The following ZNF10 variants were observed in gnomAD, a reference collection of about 807,000 sequenced individuals.
ZNF10 encodes zinc finger protein 10.
In ZNF10, 8 loss-of-function variants were observed where a neutral mutation model predicts 12.2. That is an observed-to-expected ratio of 0.66 (90% CI 0.39 to 1.18). The LOEUF (loss-of-function observed/expected upper bound fraction) is 1.18, where lower values mean the gene tolerates loss of function less well. Ranked by LOEUF, ZNF10 falls within the 50% of genes most tolerant of loss-of-function variation. The pLI is 0.01. For missense variants in ZNF10, 603 were observed against 678.9 expected (o/e 0.89, Z 1.24); for synonymous variants, 229 against 228.2 (o/e 1.00, Z -0.03).
At chr12:133,144,884 CT>C in intron 2 of ZNF10, 1 of 457,142 alleles carries the variant, frequency 2.2e-6, no homozygotes, top group African/African-American at 2.0e-5. Flanking sequence ...AACAGTTATT[CT>C]TTTTTTGTTG....
chr12:133,155,955 T>G lies in ZNF10; in HGVS notation c.709T>G (p.Ser237Ala), dbSNP rs368306775. The G allele has an allele frequency of 1.2e-6, 2 of 1,614,084 alleles. No homozygotes were observed. The highest frequency in any genetic ancestry group is 2.7e-5 in the African/African-American group (2 of 75,060). Residue 237 changes from serine (S) to alanine (A), a missense_variant, in exon 5 of 5, where the codon TCC (serine) becomes GCC (alanine). Transcript: ENST00000248211. ...TGCAAGAACTCACACAGGTGATAAATCCTACAAATGCCCTGATAATGACAA... is the reference window on the plus strand; with the variant it reads ...TGCAAGAACTCACACAGGTGATAAAGCCTACAAATGCCCTGATAATGACAA... ...QFARTHTGDKSYKCPDNDNSL... is the reference protein window; with the variant it reads ...QFARTHTGDKAYKCPDNDNSL...
intron 4 of ZNF10, among the ~76,000 whole-genome samples, chr12:133,154,819 A>G (rs112635876): frequency 1.3e-5 from 2 of 152,300 alleles, no homozygotes; most frequent in South Asian, 2.1e-4. Flanking sequence ...GCTCACGCCT[A>G]TAATCCCAGC....
rs761009785 is a variant in ZNF10, at chr12:133,156,233, C to T, written c.987C>T (p.Ser329=). Residue 329 remains serine, a synonymous_variant, in exon 5 of 5, where the codon TCC becomes TCT. Transcript: ENST00000248211. ...ATGAATGTAAAGAATGTGGAAAATC[C>T]TTCAGCTGGTTCTCTCACCTTGTTA... is the stretch of plus-strand genomic sequence containing the variant. ...EPYECKECGK[S]FSWFSHLVTH... is the part of the protein sequence containing the mutation. 2 of 1,614,050 alleles carry T rather than the reference C, an allele frequency of 1.2e-6. No homozygotes were observed. Among genetic ancestry groups the T allele is most frequent in the Non-Finnish European group, 1.7e-6 (2 of 1,180,002 alleles).
chr12:133,146,376 CAG>C (rs1364537072), intron 2 of ZNF10, among the ~76,000 whole-genome samples: 1 of 152,138 alleles, frequency 6.6e-6, no homozygotes, highest in East Asian at 1.9e-4. Context: ...CCCTGGGGAA[CAG>C]AGTAGGGTGG....
Position 133,144,297 on chromosome 12 carries a change from T to C in ZNF10, c.-59-137T>C, listed in dbSNP as rs1955963176. 6.2e-6 allele frequency: 3 copies of C among 483,402 alleles called. No individual in the cohort carries two copies. In the East Asian group the frequency reaches 1.0e-4, roughly 16 times the overall value. 29.9% of individuals were successfully genotyped at this position (483,402 alleles called of 1,614,324 possible). On this transcript the variant is annotated intron_variant, in intron 1 of 4. Coordinates refer to ENST00000248211, the MANE Select transcript of ZNF10 (RefSeq NM_015394.5). ...GGAGCTTCGGGCACTGTAGATTTGC[T>C]TATAGAATATCTCTGATGTTCCTCT...
intron 2 of ZNF10, among the ~76,000 whole-genome samples, chr12:133,145,760 A>G (rs1162221149): frequency 6.6e-6 from 1 of 152,066 alleles, no homozygotes; most frequent in East Asian, 1.9e-4. Flanking sequence ...AGCCAAGATC[A>G]TGCCACTGCA....
chr12:133,152,032 GC>G, intron 4 of ZNF10, 128 bp downstream of exon 4: 1 of 654,286 alleles, frequency 1.5e-6, no homozygotes, highest in Non-Finnish European at 2.6e-6. Flanking sequence ...AGTTTATCTG[GC>G]CCCTGTTTCC....
intron 1 of ZNF10, among the ~76,000 whole-genome samples, chr12:133,133,665 C>T (rs1955893593): frequency 6.6e-6 from 1 of 152,122 alleles, no homozygotes; most frequent in African/African-American, 2.4e-5. Context: ...GAATATGGGG[C>T]AAGTGTAGTG....
intron 1 of ZNF10, 87 bp downstream of exon 1, chr12:133,130,841 G>T (rs993225075): frequency 6.6e-6 from 1 of 152,224 alleles, no homozygotes; most frequent in African/African-American, 2.4e-5. Flanking sequence ...TATTAGCTTC[G>T]TATTTCTAGG....
intron 1 of ZNF10, among the ~76,000 whole-genome samples, chr12:133,142,466 G>A (rs1955951448): frequency 2.0e-5 from 3 of 150,484 alleles, no homozygotes; most frequent in Admixed American, 1.3e-4. Flanking sequence ...ATCTGTTAAG[G>A]GTTTAATATC....
At chr12:133,136,924 A>T (rs1327588259) in intron 1 of ZNF10, among the ~76,000 whole-genome samples, 1 of 152,168 alleles carries the variant, frequency 6.6e-6, no homozygotes, top group East Asian at 1.9e-4. Flanking sequence ...ATTTAAATAC[A>T]GCCTCCTAGA....
At chr12:133,140,228 AAAAG>A (rs1301045395) in intron 1 of ZNF10, among the ~76,000 whole-genome samples, 4 of 149,894 alleles carry the variant, frequency 2.7e-5, no homozygotes, top group Non-Finnish European at 4.4e-5. Context: ...AAAAAAAAAA[AAAAG>A]CCAGGTGCAG....
At chr12:133,143,797 C>G (rs1280077416) in intron 1 of ZNF10, 1 of 152,208 alleles carries the variant, frequency 6.6e-6, no homozygotes, top group Non-Finnish European at 1.5e-5. Flanking sequence ...GTTTTCTGCT[C>G]AGGATGTCTA....
intron 1 of ZNF10, among the ~76,000 whole-genome samples, chr12:133,142,257 T>C (rs989065918): frequency 2.0e-5 from 3 of 151,990 alleles, no homozygotes; most frequent in Non-Finnish European, 4.4e-5. Flanking sequence ...ACCCCGTCTC[T>C]ACTAAAAAAT....
intron 1 of ZNF10, among the ~76,000 whole-genome samples, chr12:133,138,387 TAAA>T (rs139776989): frequency 1.7e-4 from 24 of 140,348 alleles, no homozygotes; most frequent in Non-Finnish European, 1.9e-4. Context: ...AGACCCTGTC[TAAA>T]AAAAAAAAAA....
At chr12:133,151,287 T>C in intron 3 of ZNF10, 133 bp downstream of exon 3, 2 of 888,734 alleles carry the variant, frequency 2.3e-6, no homozygotes, top group Non-Finnish European at 3.2e-6. Context: ...TAGAACAGGG[T>C]TTTTTTACTC....
At chr12:133,151,276 A>T (rs1053556225) in intron 3 of ZNF10, 122 bp downstream of exon 3, 1 of 1,022,752 alleles carries the variant, frequency 9.8e-7, no homozygotes, top group Admixed American at 2.9e-5. Context: ...TCTTTGAGGC[A>T]TAGAACAGGG....
In ZNF10 at chr12:133,151,828, A is replaced by G. The variant is rs886075930; in HGVS notation, c.180A>G (p.Pro60=). ...GAACAGGTTATCAGCTTACTAAGCC[A>G]GATGTGATCCTCCGGTTGGAGAAGG... ...LVSLGYQLTK[P]DVILRLEKGE... The change falls in exon 4 of 5, where the codon CCA becomes CCG. Residue 60 remains proline, a synonymous_variant. Coordinates refer to ENST00000248211, the MANE Select transcript of ZNF10 (RefSeq NM_015394.5). 6.2e-7 allele frequency: 1 copy of G among 1,613,474 alleles called. No homozygotes were observed. Among genetic ancestry groups the G allele is most frequent in the Admixed American group, 1.7e-5 (1 of 59,998 alleles).
chr12:133,142,660 C>T (rs918737610), intron 1 of ZNF10, among the ~76,000 whole-genome samples: 2 of 151,944 alleles, frequency 1.3e-5, no homozygotes, highest in Non-Finnish European at 2.9e-5. Flanking sequence ...TTCATCCTTA[C>T]TAGGATGGCT....
Sources: allele counts gnomAD v4.1 joint callset (sites outside exome capture counted in the v4.1 genomes callset), GRCh38; gene constraint gnomAD v4.1.1; transcripts MANE v1.5; gene names NCBI Gene and HGNC (gene_info 2026-07-23, HGNC 2026-07-21).